CGGBP1: variants seen among roughly 807,000 people sequenced by gnomAD.
CGGBP1 encodes CGG triplet repeat binding protein 1.
In CGGBP1, 4 loss-of-function variants were observed where a neutral mutation model predicts 11.4. The ratio of observed to expected loss-of-function variants is 0.35; its 90% CI spans 0.17 to 0.80. CGGBP1 has a LOEUF of 0.80. Among genes scored for constraint, CGGBP1 ranks in the 30% least tolerant of loss-of-function variants. The pLI, the probability that CGGBP1 is intolerant of heterozygous loss-of-function variation, is 0.52. For missense variants in CGGBP1, 135 were observed against 202.1 expected, an observed-to-expected ratio of 0.67 and a Z score of 2.01; for synonymous variants, 76 against 74.1, an observed-to-expected ratio of 1.03 and a Z score of -0.13.
intron 2 of CGGBP1, among the ~76,000 whole-genome samples, chr3:88,084,452 T>C (rs2107655912): frequency 6.6e-6 from 1 of 152,340 alleles, no homozygotes; most frequent in South Asian, 2.1e-4. Flanking sequence ...CAGTGTTTTT[T>C]CTAACATTCC....
intron 1 of CGGBP1, chr3:88,143,397 A>C (rs904504131): frequency 9.2e-5 from 14 of 152,356 alleles, no homozygotes; most frequent in African/African-American, 3.4e-4. Flanking sequence ...TCTTTTCTTT[A>C]AGGTCAGCTA....
intron 2 of CGGBP1, among the ~76,000 whole-genome samples, chr3:88,122,745 C>A (rs570514149): frequency 1.1e-4 from 17 of 152,154 alleles, no homozygotes; most frequent in African/African-American, 3.4e-4. Flanking sequence ...TACGGTGGCT[C>A]ATACCTGTAA....
intron 2 of CGGBP1, among the ~76,000 whole-genome samples, chr3:88,083,948 TATATA>T (rs1708213584): frequency 2.1e-4 from 1 of 4,876 alleles, no homozygotes; most frequent in Non-Finnish European, 1.3e-3. Context: ...ATTTTATATA[TATATA>T]TATATATATA....
At chr3:88,082,927 C>T (rs1490588225) in intron 2 of CGGBP1, among the ~76,000 whole-genome samples, 1 of 152,110 alleles carries the variant, frequency 6.6e-6, no homozygotes, top group East Asian at 1.9e-4. Context: ...CTTTTCATGG[C>T]TTGCAGATGA....
chr3:88,087,127 G>A (rs1442855999), intron 2 of CGGBP1, among the ~76,000 whole-genome samples: 3 of 151,648 alleles, frequency 2.0e-5, no homozygotes, highest in East Asian at 1.9e-4. Context: ...CACCCAGGCC[G>A]GAGTGCAGTG....
upstream of CGGBP1, chr3:88,059,655 C>T: frequency 8.1e-7 from 1 of 1,239,572 alleles, no homozygotes; most frequent in Admixed American, 3.5e-5. Flanking sequence ...CTCCACTTAT[C>T]CGGCTTGGGG....
chr3:88,131,132 C>T (rs1235170252), intron 2 of CGGBP1, among the ~76,000 whole-genome samples: 1 of 152,098 alleles, frequency 6.6e-6, no homozygotes, highest in Non-Finnish European at 1.5e-5. Context: ...TGCTCCTAGG[C>T]TACAAACCTG....
intron 1 of CGGBP1, chr3:88,143,438 AAAAAT>A (rs1278015723): frequency 1.3e-5 from 2 of 152,308 alleles, no homozygotes; most frequent in Non-Finnish European, 3.0e-5. Flanking sequence ...TCTTGATACT[AAAAAT>A]GTAATGATTT....
At chr3:88,125,912 T>C (rs1236902187) in intron 2 of CGGBP1, among the ~76,000 whole-genome samples, 5 of 152,322 alleles carry the variant, frequency 3.3e-5, no homozygotes, top group Admixed American at 6.5e-5. Flanking sequence ...TTTGGGATTT[T>C]CTAAGTCCAG....
intron 2 of CGGBP1, among the ~76,000 whole-genome samples, chr3:88,093,792 A>G (rs565710777): frequency 6.6e-6 from 1 of 152,310 alleles, no homozygotes; most frequent in Admixed American, 6.5e-5. Flanking sequence ...TAGGCTTTCA[A>G]CTAATTTAGG....
intron 2 of CGGBP1, among the ~76,000 whole-genome samples, chr3:88,093,986 A>G (rs1703900201): frequency 6.6e-6 from 1 of 152,116 alleles, no homozygotes; most frequent in South Asian, 2.1e-4. Flanking sequence ...ACCTTAACCA[A>G]TTTTGTATCT....
intron 2 of CGGBP1, among the ~76,000 whole-genome samples, chr3:88,117,387 A>G (rs1315189421): frequency 6.6e-6 from 1 of 152,198 alleles, no homozygotes; most frequent in African/African-American, 2.4e-5. Flanking sequence ...AAATGCCAGC[A>G]TAAATAATGT....
intron 2 of CGGBP1, among the ~76,000 whole-genome samples, chr3:88,115,708 C>T (rs1705349209): frequency 6.6e-6 from 1 of 152,106 alleles, no homozygotes; most frequent in Non-Finnish European, 1.5e-5. Flanking sequence ...TTCTTAGAGC[C>T]AAATGTTCCA....
chr3:88,131,544 C>T lies in CGGBP1; in HGVS notation c.-229+9426G>A, dbSNP rs144182896. On this transcript the variant is annotated intron_variant, in intron 2 of 3. Coordinates refer to the CGGBP1 transcript ENST00000462901. The stretch of plus-strand genomic sequence containing the variant: ...ACACACACACAAACCCAGAAAAACA[C>T]ATTTTATTTTCTTATTCTCTTGGTA... Among the ~76,000 whole-genome samples, 5 of 152,092 alleles carry T rather than the reference C, an allele frequency of 3.3e-5. No homozygotes were observed. The East Asian group carries it at 9.7e-4, about 29-fold the overall frequency.
At chr3:88,106,535 C>T (rs1704748429) in intron 2 of CGGBP1, among the ~76,000 whole-genome samples, 1 of 151,968 alleles carries the variant, frequency 6.6e-6, no homozygotes, top group Admixed American at 6.6e-5. Flanking sequence ...GACAAGGTTT[C>T]GTTCGCCATG....
intron 2 of CGGBP1, chr3:88,113,009 T>C (rs1705187425): frequency 1.4e-6 from 1 of 731,724 alleles, no homozygotes; most frequent in Non-Finnish European, 2.1e-6. Context: ...TAAACCAAAA[T>C]ATTTTAAGTC....
At chr3:88,075,884 C>T (rs1360066714) in intron 2 of CGGBP1, among the ~76,000 whole-genome samples, 7 of 152,122 alleles carry the variant, frequency 4.6e-5, no homozygotes, top group African/African-American at 2.4e-5. Context: ...TTTGCTCACT[C>T]TTGTATCTGA....
chr3:88,093,097 C>T (rs1703844978), intron 2 of CGGBP1, among the ~76,000 whole-genome samples: 1 of 152,146 alleles, frequency 6.6e-6, no homozygotes, highest in South Asian at 2.1e-4. Flanking sequence ...TTGCTTTGTG[C>T]ATATGGACCT....
chr3:88,139,072 A>T, intron 2 of CGGBP1: 1 of 1,266,732 alleles, frequency 7.9e-7, no homozygotes, highest in Non-Finnish European at 9.9e-7. Flanking sequence ...TTGAGTGATA[A>T]ATCAGCAGTT....
Sources: gnomAD v4.1 joint callset for allele counts (sites outside exome capture counted in the v4.1 genomes callset) on GRCh38, gnomAD v4.1.1 for gene constraint, MANE v1.5 for transcripts, NCBI Gene and HGNC (gene_info 2026-07-23, HGNC 2026-07-21) for gene names.